The following CHD1L variants were observed in gnomAD, a reference collection of about 807,000 sequenced individuals.
CHD1L encodes ATP-dependent chromatin remodeler CHD1L.
In CHD1L, 118 loss-of-function variants were observed where a neutral mutation model predicts 115.9. That is an observed-to-expected ratio of 1.02 (90% CI 0.88 to 1.19). CHD1L has a LOEUF of 1.19. Among genes scored for constraint, CHD1L ranks in the 50% most tolerant of loss-of-function variants. CHD1L has a pLI of 0.00. For missense variants in CHD1L, 1,179 were observed against 1,065.3 expected, an observed-to-expected ratio of 1.11 and a Z score of -1.49; for synonymous variants, 411 against 387.1, an observed-to-expected ratio of 1.06 and a Z score of -0.72.
chr1:147,243,641 A>G (rs1223949933), intron 1 of CHD1L, among the ~76,000 whole-genome samples: 1 of 152,066 alleles, frequency 6.6e-6, no homozygotes, highest in African/African-American at 2.4e-5. Flanking sequence ...TTCCTTACTT[A>G]TAAGTTGGGA....
At chr1:147,215,599 C>A in the CHD1L span, 1 of 571,280 alleles carries the variant, frequency 1.8e-6, no homozygotes, top group Non-Finnish European at 3.0e-6. Flanking sequence ...TTTTGAGGAG[C>A]AAAGGAGGAC....
intron 7 of CHD1L, among the ~76,000 whole-genome samples, chr1:147,265,447 AT>A (rs1312070580): frequency 6.6e-6 from 1 of 152,184 alleles, no homozygotes; most frequent in Non-Finnish European, 1.5e-5. Context: ...TATAATTCTA[AT>A]TTAGAATAAT....
chr1:147,224,887 G>T, the CHD1L span: 1 of 1,613,314 alleles, frequency 6.2e-7, no homozygotes, highest in South Asian at 1.1e-5. Context: ...ACTAGGAGAT[G>T]TATGTACCTG....
upstream of CHD1L, among the ~76,000 whole-genome samples, chr1:147,238,895 AAG>A (rs1664675418): frequency 6.6e-6 from 1 of 152,144 alleles, no homozygotes; most frequent in South Asian, 2.1e-4. Context: ...TCCCTTAGCT[AAG>A]AGAGCCAGAC....
the CHD1L span, among the ~76,000 whole-genome samples, chr1:147,182,452 T>G: frequency 6.6e-6 from 1 of 152,208 alleles, no homozygotes; most frequent in African/African-American, 2.4e-5. Context: ...GACTATCTAC[T>G]TCCAGACTTT....
At chr1:147,265,784 A>G (rs1673647651) in intron 7 of CHD1L, 148 bp from the exon 8 acceptor site, 1 of 612,836 alleles carries the variant, frequency 1.6e-6, no homozygotes, top group East Asian at 3.1e-5. Context: ...ATGAAGGAAG[A>G]AATACTATAA....
At chr1:147,183,407 T>C in the CHD1L span, among the ~76,000 whole-genome samples, 2 of 152,350 alleles carry the variant, frequency 1.3e-5, no homozygotes, top group African/African-American at 4.8e-5. Context: ...AATTAATTCT[T>C]AACTTACTGA....
chr1:147,212,466 T>C, the CHD1L span: 9 of 1,613,918 alleles, frequency 5.6e-6, no homozygotes, highest in East Asian at 2.0e-4. Context: ...AATGACTCTC[T>C]TTCCAGTGAA....
At chr1:147,229,091 A>G in the CHD1L span, among the ~76,000 whole-genome samples, 1 of 152,182 alleles carries the variant, frequency 6.6e-6, no homozygotes, top group Non-Finnish European at 1.5e-5. Context: ...GCCCATGACT[A>G]TGTCCTGAAT....
the CHD1L span, among the ~76,000 whole-genome samples, chr1:147,234,221 G>C: frequency 1.1e-4 from 16 of 152,148 alleles, no homozygotes; most frequent in African/African-American, 3.9e-4. Context: ...CCCAGAGCTC[G>C]GAGCCTTCGC....
chr1:147,201,281 G>A, the CHD1L span: 32 of 1,614,080 alleles, frequency 2.0e-5, no homozygotes, highest in Non-Finnish European at 2.7e-5. Context: ...TTTTTATACA[G>A]GGATATCTTG....
intron 21 of CHD1L, among the ~76,000 whole-genome samples, chr1:147,294,147 T>C (rs1379631405): frequency 6.6e-6 from 1 of 152,218 alleles, no homozygotes; most frequent in African/African-American, 2.4e-5. Context: ...GATTGGCTTG[T>C]TAGAGAATCT....
chr1:147,270,808 G>T, intron 10 of CHD1L, 124 bp from the exon 11 acceptor site: 1 of 753,510 alleles, frequency 1.3e-6, no homozygotes, highest in Non-Finnish European at 2.2e-6. Context: ...TAAATCATAC[G>T]ACACTTATAT....
chr1:147,185,047 G>T, the CHD1L span, among the ~76,000 whole-genome samples: 1 of 151,984 alleles, frequency 6.6e-6, no homozygotes, highest in East Asian at 1.9e-4. Flanking sequence ...ATAAGAACAA[G>T]ATATGGTAAA....
At position 147,287,747 on chromosome 1, in the gene CHD1L, C is replaced by T. The variant is rs1553967276; in HGVS notation, c.2320+14C>T. On this transcript the variant is annotated intron_variant, in intron 19 of 22. Coordinates refer to ENST00000369258, the MANE Select transcript of CHD1L (RefSeq NM_004284.6). ...GGAAAATGAAAGGTAAGAAGCAAAG[C>T]AGAGGGAAAGGTTAAGGGTGGAATA... is the stretch of plus-strand genomic sequence containing the variant. 5 of 1,608,850 alleles carry T rather than the reference C, an allele frequency of 3.1e-6. No homozygotes were observed. In the South Asian group the frequency reaches 5.5e-5, roughly 18 times the overall value.
chr1:147,253,492 C>T (rs1449649806), intron 2 of CHD1L, among the ~76,000 whole-genome samples: 9 of 152,114 alleles, frequency 5.9e-5, no homozygotes, highest in African/African-American at 9.7e-5. Context: ...AGTTGCAATG[C>T]GTGTTTTGCA....
the CHD1L span, among the ~76,000 whole-genome samples, chr1:147,176,875 C>T: frequency 6.6e-6 from 1 of 151,934 alleles, no homozygotes; most frequent in African/African-American, 2.4e-5. Context: ...ATCATTAAAT[C>T]CTGGGTTACG....
At chr1:147,182,221 T>C in the CHD1L span, among the ~76,000 whole-genome samples, 2 of 152,228 alleles carry the variant, frequency 1.3e-5, 1 homozygote, top group South Asian at 4.1e-4. Flanking sequence ...AGTAACTAAG[T>C]TCTTCCAATA....
At chr1:147,237,882 C>T (rs587739667), upstream of CHD1L, among the ~76,000 whole-genome samples, 3 of 152,222 alleles carry the variant, frequency 2.0e-5, no homozygotes, top group South Asian at 2.1e-4. Flanking sequence ...AGACCGTGGG[C>T]AAATTTTGAT....
Sources: allele counts gnomAD v4.1 joint callset (sites outside exome capture counted in the v4.1 genomes callset), GRCh38; gene constraint gnomAD v4.1.1; transcripts MANE v1.5; gene names NCBI Gene and HGNC (gene_info 2026-07-23, HGNC 2026-07-21).